Variants in ERC2 observed in about 807,000 individuals in gnomAD.
ERC2 encodes ELKS/RAB6-interacting/CAST family member 2.
A neutral mutation model predicts 114.8 loss-of-function variants in ERC2; 42 were observed. The observed-to-expected ratio is 0.37, with a 90% CI of 0.29 to 0.47. The LOEUF is 0.47. ERC2 is among the 20% of genes least tolerant of loss of function. ERC2 has a pLI of 0.99. For synonymous variants in ERC2, 454 were observed against 425.5 expected (o/e 1.07, Z -0.82); for missense variants, 939 against 1,150.7 (o/e 0.82, Z 2.66).
chr3:55,510,077 CTG>C lies in ERC2; in HGVS notation c.*1237_*1238del, dbSNP rs2051976603. ...TTTAATTCTCCTTAGTACCATATCA[CTG>C]TATGTAAAAGACCTCAAAATTTGGT... is the stretch of plus-strand genomic sequence containing the variant. On this transcript the variant is annotated 3_prime_UTR_variant, in exon 18 of 18. Transcript: ENST00000288221. 1.3e-5 allele frequency: 2 copies of C among 152,554 alleles called. No homozygotes were observed. The highest frequency in any genetic ancestry group is 4.8e-5 in the African/African-American group (2 of 41,414). The allele number at this position is 152,554 out of a possible 1,614,324, so 9.5% of individuals were successfully genotyped here. A position where few individuals can be genotyped will look rare whatever the true frequency, so the allele number is the denominator to read the frequency against.
chr3:56,035,924 T>A (rs1270905452), intron 7 of ERC2, among the ~76,000 whole-genome samples: 2 of 151,852 alleles, frequency 1.3e-5, no homozygotes, highest in Non-Finnish European at 2.9e-5. Flanking sequence ...AAAATTACAG[T>A]CCAATATCCC....
intron 3 of ERC2, among the ~76,000 whole-genome samples, chr3:56,266,846 T>C (rs2053340926): frequency 6.6e-6 from 1 of 152,184 alleles, no homozygotes; most frequent in Non-Finnish European, 1.5e-5. Flanking sequence ...AAAACTACCA[T>C]ATGACACAGC....
chr3:56,205,923 C>T (rs900913604), intron 3 of ERC2, among the ~76,000 whole-genome samples: 2 of 152,104 alleles, frequency 1.3e-5, no homozygotes, highest in Non-Finnish European at 2.9e-5. Context: ...CAAATTATAT[C>T]TCCTTTCTTC....
At chr3:55,611,793 C>T (rs1187082693) in intron 17 of ERC2, among the ~76,000 whole-genome samples, 1 of 152,194 alleles carries the variant, frequency 6.6e-6, no homozygotes, top group African/African-American at 2.4e-5. Flanking sequence ...GGCCTTGCTT[C>T]TCTTCCCCTA....
intron 15 of ERC2, among the ~76,000 whole-genome samples, chr3:55,713,405 G>A (rs560591273): frequency 1.3e-5 from 2 of 151,870 alleles, no homozygotes; most frequent in South Asian, 4.2e-4. Context: ...GAGATGGTGG[G>A]GGAGTTTCAC....
intron 17 of ERC2, among the ~76,000 whole-genome samples, chr3:55,597,895 A>G (rs184231142): frequency 3.1e-4 from 47 of 152,346 alleles, no homozygotes; most frequent in Admixed American, 3.0e-3. Context: ...TGAGTTTGTC[A>G]TCATATCCAC....
intron 17 of ERC2, among the ~76,000 whole-genome samples, chr3:55,633,362 T>C (rs767403068): frequency 3.3e-5 from 5 of 152,158 alleles, no homozygotes; most frequent in Non-Finnish European, 5.9e-5. Context: ...TTAAGAACAC[T>C]AGGCAGTAGG....
intron 2 of ERC2, among the ~76,000 whole-genome samples, chr3:56,323,066 T>C (rs56216904): frequency 0.036 from 5,449 of 152,264 alleles, 209 homozygotes; most frequent in African/African-American, 0.089. Flanking sequence ...CCTTCTGTTT[T>C]CTGCTGTGAG....
chr3:55,568,648 GT>G lies in ERC2; in HGVS notation c.*40-57373del, dbSNP rs532065120. 5.9e-5 allele frequency among the ~76,000 whole-genome samples: 9 copies of G among 152,318 alleles called. No individual in the cohort carries two copies. The South Asian group carries it at 8.3e-4, about 14-fold the overall frequency. Reference sequence around the variant, plus strand: ...CCTTGGTCCAAACCATCAAACGTCTGTTTTCTGTATTACTTCAATAGCCTTC... The same window carrying G: ...CCTTGGTCCAAACCATCAAACGTCTGTTTCTGTATTACTTCAATAGCCTTC... On this transcript the variant is annotated intron_variant, in intron 17 of 17. Coordinates refer to ENST00000288221, the MANE Select transcript of ERC2 (RefSeq NM_015576.3).
At chr3:56,205,024 T>C (rs967306288) in intron 3 of ERC2, among the ~76,000 whole-genome samples, 2 of 152,054 alleles carry the variant, frequency 1.3e-5, no homozygotes, top group African/African-American at 4.8e-5. Flanking sequence ...TCTTCAAAAG[T>C]ACTTTCACAT....
chr3:56,139,523 T>C lies in ERC2; in HGVS notation c.1459A>G (p.Ile487Val), dbSNP rs368590161. Reference protein sequence around the residue: ...SLTAKEQRAAILQTEVDALRL... With the variant: ...SLTAKEQRAAVLQTEVDALRL... The stretch of plus-strand genomic sequence containing the variant: ...GAGTGCCTTACCTCAGTCTGAAGGA[T>C]GGCAGCCCTCTGTTCTTTGGCAGTA... The change falls in exon 6 of 18, where the codon ATC becomes GTC. Residue 487 changes from isoleucine (I) to valine (V), a missense_variant. Coordinates refer to ENST00000288221, the MANE Select transcript of ERC2 (RefSeq NM_015576.3). The C allele has an allele frequency of 5.6e-6, 9 of 1,612,970 alleles. No homozygotes were observed. The highest frequency in any genetic ancestry group is 1.3e-5 in the African/African-American group (1 of 74,928).
chr3:55,728,476 G>C (rs762301214), intron 15 of ERC2, among the ~76,000 whole-genome samples: 10 of 152,176 alleles, frequency 6.6e-5, no homozygotes, highest in Non-Finnish European at 1.5e-4. Context: ...GTAAAGAAAA[G>C]AGGGAAAAAC....
At chr3:55,727,187 T>A (rs2064974239) in intron 15 of ERC2, among the ~76,000 whole-genome samples, 2 of 152,158 alleles carry the variant, frequency 1.3e-5, no homozygotes, top group South Asian at 4.1e-4. Flanking sequence ...GTTGGGGAGA[T>A]TGGCTCCAAG....
intron 13 of ERC2, among the ~76,000 whole-genome samples, chr3:55,904,509 T>C (rs1376390288): frequency 6.6e-6 from 1 of 152,196 alleles, no homozygotes; most frequent in Non-Finnish European, 1.5e-5. Context: ...ATCAAAATTG[T>C]TTCTTCCCTT....
chr3:55,569,884 G>A (rs1409988644), intron 17 of ERC2, among the ~76,000 whole-genome samples: 1 of 125,600 alleles, frequency 8.0e-6, no homozygotes, highest in African/African-American at 3.1e-5. Context: ...TTTTTTTTGA[G>A]ACAGAGTTTA....
intron 6 of ERC2, among the ~76,000 whole-genome samples, chr3:56,082,653 C>T (rs975020281): frequency 2.0e-5 from 3 of 152,006 alleles, no homozygotes; most frequent in Non-Finnish European, 4.4e-5. Flanking sequence ...CTTTGTCAGT[C>T]CCCTTGATGT....
intron 13 of ERC2, among the ~76,000 whole-genome samples, chr3:55,919,982 G>C (rs2065323486): frequency 6.6e-6 from 1 of 152,108 alleles, no homozygotes; most frequent in Admixed American, 6.6e-5. Context: ...TAAGAATGCA[G>C]AAAATAATAG....
intron 17 of ERC2, among the ~76,000 whole-genome samples, chr3:55,526,005 A>G (rs190899181): frequency 6.6e-6 from 1 of 152,352 alleles, no homozygotes; most frequent in Admixed American, 6.5e-5. Flanking sequence ...GTTATACTGA[A>G]TTAGGATAGG....
chr3:55,584,872 C>T (rs774771984), intron 17 of ERC2, among the ~76,000 whole-genome samples: 9 of 152,202 alleles, frequency 5.9e-5, no homozygotes, highest in South Asian at 2.1e-4. Flanking sequence ...GATATCCAAG[C>T]GCATGGCTTG....
Sources: gnomAD v4.1 joint callset for allele counts (sites outside exome capture counted in the v4.1 genomes callset) on GRCh38, gnomAD v4.1.1 for gene constraint, MANE v1.5 for transcripts, NCBI Gene and HGNC (gene_info 2026-07-23, HGNC 2026-07-21) for gene names.